The following SERINC5 variants were observed in gnomAD, a reference collection of about 807,000 sequenced individuals.
The protein encoded by SERINC5 is serine incorporator 5.
Under a neutral mutation model 63.1 loss-of-function variants are expected in SERINC5, and 41 were observed. The ratio of observed to expected loss-of-function variants is 0.65; its 90% CI spans 0.51 to 0.84. The LOEUF is 0.84. Among genes scored for constraint, SERINC5 ranks in the 40% least tolerant of loss-of-function variants. SERINC5 has a pLI of 0.00. For synonymous variants in SERINC5, 222 were observed against 215.2 expected, an observed-to-expected ratio of 1.03 and a Z score of -0.28; for missense variants, 523 against 573.0, an observed-to-expected ratio of 0.91 and a Z score of 0.89.
intron 1 of SERINC5, among the ~76,000 whole-genome samples, chr5:80,234,877 G>C (rs1480735215): frequency 6.6e-6 from 1 of 152,058 alleles, no homozygotes; most frequent in Non-Finnish European, 1.5e-5. Context: ...AACTAACACT[G>C]TTATCTTGGC....
intron 2 of SERINC5, among the ~76,000 whole-genome samples, chr5:80,185,513 G>A (rs1341863917): frequency 8.1e-6 from 1 of 122,922 alleles, no homozygotes; most frequent in Non-Finnish European, 1.7e-5. Context: ...TTTCATGCGC[G>A]TCCGTGTGAA....
chr5:80,198,600 A>G, intron 2 of SERINC5: 3 of 985,398 alleles, frequency 3.0e-6, no homozygotes, highest in African/African-American at 1.7e-5. Context: ...TTCCAGTCAC[A>G]GTCTCAGGCA....
intron 11 of SERINC5, 67 bp downstream of exon 11, chr5:80,146,023 C>T (rs577861334): frequency 1.1e-5 from 17 of 1,544,400 alleles, no homozygotes; most frequent in African/African-American, 1.1e-4. Flanking sequence ...CAAACAAACA[C>T]GAACAGTACT....
chr5:80,124,979 T>C (rs1382961955), intron 11 of SERINC5, among the ~76,000 whole-genome samples: 1 of 152,138 alleles, frequency 6.6e-6, no homozygotes, highest in Non-Finnish European at 1.5e-5. Flanking sequence ...GGTAGGGGGA[T>C]GGACATCCCA....
At chr5:80,173,176 A>G (rs934951859) in intron 5 of SERINC5, among the ~76,000 whole-genome samples, 1 of 151,934 alleles carries the variant, frequency 6.6e-6, no homozygotes, top group African/African-American at 2.4e-5. Flanking sequence ...AAAGCAAAGA[A>G]AGAGGAAAGG....
chr5:80,146,306 G>A (rs926773488), intron 10 of SERINC5, 72 bp from the exon 11 acceptor site: 9 of 1,562,442 alleles, frequency 5.8e-6, no homozygotes, highest in South Asian at 1.1e-5. Context: ...AGTCACGCTC[G>A]CTAATTCTAC....
At chr5:80,225,336 T>C (rs1353955196) in intron 1 of SERINC5, among the ~76,000 whole-genome samples, 2 of 152,354 alleles carry the variant, frequency 1.3e-5, no homozygotes, top group East Asian at 1.9e-4. Context: ...ACCTATTAAA[T>C]AGAACTGGAA....
In SERINC5 at chr5:80,139,058, G is replaced by A. The variant is rs10037220; in HGVS notation, c.*4605C>T. The A allele has an allele frequency of 0.018, 17,675 of 982,794 alleles. 156 individuals carry two copies. Among genetic ancestry groups the A allele is most frequent in the Non-Finnish European group, 0.02 (16,562 of 827,624 alleles). The allele number at this position is 982,794 out of a possible 1,614,324, so 60.9% of individuals were successfully genotyped here. On this transcript the variant is annotated 3_prime_UTR_variant, in exon 12 of 12. Coordinates refer to ENST00000507668, the MANE Select transcript of SERINC5 (RefSeq NM_001174072.3). Reference sequence around the variant, plus strand: ...TAACTTTCAAAAGTTACCAAAATTCGAATCATATCAGAGACCATTATAAAT... The same window carrying A: ...TAACTTTCAAAAGTTACCAAAATTCAAATCATATCAGAGACCATTATAAAT...
chr5:80,244,216 G>A (rs1156899605), intron 1 of SERINC5, among the ~76,000 whole-genome samples: 9 of 150,200 alleles, frequency 6.0e-5, no homozygotes, highest in Non-Finnish European at 1.3e-4. Context: ...AAACCCCCAA[G>A]CACTTTTTTT....
At chr5:80,214,463 T>C (rs575206348) in intron 1 of SERINC5, among the ~76,000 whole-genome samples, 1 of 151,962 alleles carries the variant, frequency 6.6e-6, no homozygotes, top group African/African-American at 2.4e-5. Flanking sequence ...AAATATTTGT[T>C]AAATGCATCA....
intron 1 of SERINC5, among the ~76,000 whole-genome samples, chr5:80,243,042 T>G (rs912523512): frequency 1.3e-5 from 2 of 152,230 alleles, no homozygotes; most frequent in Non-Finnish European, 2.9e-5. Flanking sequence ...GATTAAAGCC[T>G]TCTTCCTTGG....
At chr5:80,196,909 T>C (rs956567452) in intron 2 of SERINC5, among the ~76,000 whole-genome samples, 1 of 152,088 alleles carries the variant, frequency 6.6e-6, no homozygotes, top group Admixed American at 6.6e-5. Context: ...CACTGCACTC[T>C]AGCCTGGGTA....
At chr5:80,229,527 G>C (rs1035728861) in intron 1 of SERINC5, among the ~76,000 whole-genome samples, 1 of 152,062 alleles carries the variant, frequency 6.6e-6, no homozygotes, top group Non-Finnish European at 1.5e-5. Context: ...CACTAGGAAA[G>C]GGTAAAAGTA....
intron 1 of SERINC5, among the ~76,000 whole-genome samples, chr5:80,216,035 T>TGG (rs1750646515): frequency 6.6e-6 from 1 of 151,918 alleles, no homozygotes; most frequent in Non-Finnish European, 1.5e-5. Flanking sequence ...AAAAATATCA[T>TGG]ATCACACTTG....
rs556302826 is a variant in SERINC5, at chr5:80,150,545, C to T, written c.1053+337G>A. 2.1e-4 allele frequency among the ~76,000 whole-genome samples: 32 copies of T among 152,284 alleles called. 1 individual carries two copies. The highest frequency in any genetic ancestry group is 1.9e-3 in the Admixed American group (29 of 15,300). On this transcript the variant is annotated intron_variant, in intron 9 of 11. Transcript: ENST00000507668. ...CTGCCACCAGGGTTCAAGTGATTCTCGCGTCTCAGCCTCCCAAGTAGCTGG... is the reference window on the plus strand; with the variant it reads ...CTGCCACCAGGGTTCAAGTGATTCTTGCGTCTCAGCCTCCCAAGTAGCTGG...
chr5:80,223,385 G>A (rs1191032625), intron 1 of SERINC5, among the ~76,000 whole-genome samples: 1 of 152,088 alleles, frequency 6.6e-6, no homozygotes, highest in African/African-American at 2.4e-5. Flanking sequence ...TAAATGCCAT[G>A]TAAATTTGTT....
chr5:80,140,332 A>ATG lies in SERINC5; in HGVS notation c.*3330_*3331insCA. 1.4e-6 allele frequency: 1 copy of ATG among 713,194 alleles called. No individual in the cohort carries two copies. Among genetic ancestry groups the ATG allele is most frequent in the Non-Finnish European group, 1.7e-6 (1 of 594,734 alleles). 44.2% of individuals were successfully genotyped at this position (713,194 alleles called of 1,614,324 possible). The stretch of plus-strand genomic sequence containing the variant: ...AAAAAAAAAAAAAAAAAAAAAAAAA[A>ATG]GGCTTAGGGTGACAATTTTGACATG... On this transcript the variant is annotated 3_prime_UTR_variant, in exon 12 of 12. Coordinates refer to ENST00000507668, the MANE Select transcript of SERINC5 (RefSeq NM_001174072.3).
intron 1 of SERINC5, among the ~76,000 whole-genome samples, chr5:80,253,611 T>A (rs1009130105): frequency 1.3e-5 from 2 of 152,130 alleles, no homozygotes; most frequent in African/African-American, 4.8e-5. Context: ...TCTGACCTCA[T>A]CTAAGACACC....
chr5:80,112,827 GGTGGTGCACACCT>G (rs1177509780), intron 12 of SERINC5, among the ~76,000 whole-genome samples: 3 of 152,162 alleles, frequency 2.0e-5, no homozygotes, highest in East Asian at 3.8e-4. Flanking sequence ...AGCTGGGCAT[GGTGGTGCACACCT>G]GTAGTCACAG....
Sources: gnomAD v4.1 joint callset for allele counts (sites outside exome capture counted in the v4.1 genomes callset) on GRCh38, gnomAD v4.1.1 for gene constraint, MANE v1.5 for transcripts, NCBI Gene and HGNC (gene_info 2026-07-23, HGNC 2026-07-21) for gene names.